DLG5: variants seen among roughly 807,000 people sequenced by gnomAD.
DLG5 encodes disks large homolog 5.
DLG5 carries 48 observed loss-of-function variants against 189.8 expected under a neutral mutation model. The ratio of observed to expected loss-of-function variants is 0.25; its 90% confidence interval spans 0.20 to 0.32. The LOEUF (loss-of-function observed/expected upper bound fraction) is 0.32, where lower values mean the gene tolerates loss of function less well. Ranked by LOEUF, DLG5 falls within the 10% of genes least tolerant of loss-of-function variation. The probability of loss-of-function intolerance (pLI) is 1.00; values close to 1 mark genes in which losing one functional copy is unlikely to be tolerated. For synonymous variants in DLG5, 1,016 were observed against 1,054.1 expected, an observed-to-expected ratio of 0.96 and a Z score of 0.70; for missense variants, 2,160 against 2,544.7, an observed-to-expected ratio of 0.85 and a Z score of 3.25.
chr10:77,835,537 G>A (rs1307125600), intron 8 of DLG5, among the ~76,000 whole-genome samples: 1 of 152,236 alleles, frequency 6.6e-6, no homozygotes, highest in Non-Finnish European at 1.5e-5. Flanking sequence ...GGCTGAGTGA[G>A]ATGGGAGGGA....
At position 77,856,017 on chromosome 10, in the gene DLG5, C is replaced by T. The variant is rs1391514047; in HGVS notation, c.536+713G>A. ...GCAGCAAACATTTTCTTCAAAGCAACAAAGACACCAGGTACAATGTGCTCT... is the reference window on the plus strand; with the variant it reads ...GCAGCAAACATTTTCTTCAAAGCAATAAAGACACCAGGTACAATGTGCTCT... On this transcript the variant is annotated intron_variant, in intron 3 of 31. Transcript: ENST00000372391. Among the ~76,000 whole-genome samples the T allele has an allele frequency of 2.0e-5, 3 of 152,254 alleles. No individual in the cohort carries two copies. The East Asian group carries it at 5.8e-4, about 29-fold the overall frequency.
chr10:77,875,624 C>T (rs568532462), intron 1 of DLG5, among the ~76,000 whole-genome samples: 2 of 152,306 alleles, frequency 1.3e-5, no homozygotes, highest in Admixed American at 6.5e-5. Flanking sequence ...ATTCTGTGAA[C>T]TGCAGAGATG....
At chr10:77,893,552 A>G (rs996256369) in intron 1 of DLG5, among the ~76,000 whole-genome samples, 4 of 152,226 alleles carry the variant, frequency 2.6e-5, no homozygotes, top group African/African-American at 9.6e-5. Context: ...CGCCCCAGAC[A>G]GCAGCACCTG....
intron 1 of DLG5, among the ~76,000 whole-genome samples, chr10:77,886,562 T>C (rs1427685692): frequency 6.6e-6 from 1 of 151,986 alleles, no homozygotes; most frequent in African/African-American, 2.4e-5. Flanking sequence ...ACTATGTTGG[T>C]CAGTCTGGTC....
rs950099979 is a variant in DLG5 at position 77,843,313 on chromosome 10, A to C, written c.1124+134T>G. 11 of 1,164,642 alleles carry C rather than the reference A, an allele frequency of 9.4e-6. No homozygotes were observed. The African/African-American group carries it at 1.7e-4, about 18-fold the overall frequency. The allele number at this position is 1,164,642 out of a possible 1,614,324, so 72.1% of individuals were successfully genotyped here. On this transcript the variant is annotated intron_variant, in intron 6 of 31. Transcript: ENST00000372391. The stretch of plus-strand genomic sequence containing the variant: ...ATTCCCAAGACACATTCAGTGTCAA[A>C]AAAAAATGTTTCCTGGTCAGAAGCA...
At chr10:77,890,260 T>C (rs944440671) in intron 1 of DLG5, among the ~76,000 whole-genome samples, 6 of 152,186 alleles carry the variant, frequency 3.9e-5, no homozygotes, top group Non-Finnish European at 7.4e-5. Context: ...CAGCAGGATG[T>C]CTTCAGCTGG....
chr10:77,894,707 T>C (rs1845708099), intron 1 of DLG5, among the ~76,000 whole-genome samples: 1 of 152,040 alleles, frequency 6.6e-6, no homozygotes, highest in East Asian at 1.9e-4. Context: ...GCCCAACCTT[T>C]TCTGCTCCCT....
At chr10:77,834,457 A>T (rs1370032013) in intron 8 of DLG5, among the ~76,000 whole-genome samples, 1 of 152,086 alleles carries the variant, frequency 6.6e-6, no homozygotes, top group Non-Finnish European at 1.5e-5. Context: ...CATGTCTCAT[A>T]TCTACCCACA....
At chr10:77,933,709 G>A in the DLG5 span, among the ~76,000 whole-genome samples, 1 of 151,540 alleles carries the variant, frequency 6.6e-6, no homozygotes, top group African/African-American at 2.4e-5. Context: ...GGGTAACAGA[G>A]TAAGACTCTG....
chr10:77,906,639 T>C (rs77100472), intron 1 of DLG5, among the ~76,000 whole-genome samples: 1 of 148,670 alleles, frequency 6.7e-6, no homozygotes, highest in African/African-American at 2.5e-5. Context: ...TTTTTTTTTT[T>C]CCTGAGATGG....
the DLG5 span, among the ~76,000 whole-genome samples, chr10:77,938,890 C>T: frequency 6.6e-6 from 1 of 152,160 alleles, no homozygotes; most frequent in Non-Finnish European, 1.5e-5. Context: ...GCACATGCAT[C>T]AAAACTGCCC....
Position 77,821,232 on chromosome 10 carries a change from G to A in DLG5, c.3252C>T (p.Asp1084=). 1 of 1,614,110 alleles carries A rather than the reference G, an allele frequency of 6.2e-7. No homozygotes were observed. Among genetic ancestry groups the A allele is most frequent in the South Asian group, 1.1e-5 (1 of 91,090 alleles). The stretch of plus-strand genomic sequence containing the variant: ...ATTTCTTGGCCGGCAGGTGGGAGGA[G>A]TCCCCATCTCCTTCAGGGTAGTAGC... ...ASSYYPEGDG[D]SSHLPAKKSC... is the part of the protein sequence containing the mutation. The change falls in exon 15 of 32, where the codon GAC becomes GAT. Residue 1084 remains aspartate, a synonymous_variant. Transcript: ENST00000372391.
intron 14 of DLG5, among the ~76,000 whole-genome samples, chr10:77,823,287 C>A (rs1198133129): frequency 6.6e-6 from 1 of 152,098 alleles, no homozygotes; most frequent in Non-Finnish European, 1.5e-5. Flanking sequence ...TAGAAAACAT[C>A]TCTTAATAGA....
chr10:77,932,745 C>T, the DLG5 span, among the ~76,000 whole-genome samples: 2 of 152,216 alleles, frequency 1.3e-5, no homozygotes, highest in Admixed American at 1.3e-4. Flanking sequence ...ACCATGAACT[C>T]TGCCCACTGC....
rs746124961 is a variant in DLG5 at position 77,820,118 on chromosome 10, G to A, written c.3403-100C>T. ...CCCAGCACTCTGGGAGGCCGAGGCGGGCAGATCACCTAAGGTCAGGAGTTC... is the reference window on the plus strand; with the variant it reads ...CCCAGCACTCTGGGAGGCCGAGGCGAGCAGATCACCTAAGGTCAGGAGTTC... On this transcript the variant is annotated intron_variant, in intron 15 of 31. Transcript: ENST00000372391. 2.7e-5 allele frequency: 41 copies of A among 1,523,278 alleles called. No homozygotes were observed. The Middle Eastern group carries it at 5.8e-4, about 22-fold the overall frequency. The allele number at this position is 1,523,278 out of a possible 1,614,324, so 94.4% of individuals were successfully genotyped here.
At chr10:77,792,779 G>A (rs1840701905) in intron 31 of DLG5, 1 of 504,094 alleles carries the variant, frequency 2.0e-6, no homozygotes, top group East Asian at 3.3e-5. Context: ...TAACACCCTG[G>A]GTTGGGTTTG....
chr10:77,853,738 C>A (rs1349633861), intron 4 of DLG5, among the ~76,000 whole-genome samples: 1 of 152,214 alleles, frequency 6.6e-6, no homozygotes, highest in Non-Finnish European at 1.5e-5. Flanking sequence ...TCACCACTTA[C>A]AAACCTGACA....
intron 24 of DLG5, 82 bp from the exon 25 acceptor site, chr10:77,808,026 T>C: frequency 6.5e-7 from 1 of 1,531,886 alleles, no homozygotes; most frequent in South Asian, 1.2e-5. Flanking sequence ...GTGCTGACCA[T>C]ACGGCAGAAA....
rs1840782595 is a variant in DLG5, at chr10:77,794,116, C to T, written c.5548G>A (p.Glu1850Lys). 2 of 1,613,814 alleles carry T rather than the reference C, an allele frequency of 1.2e-6. No homozygotes were observed. Among genetic ancestry groups the T allele is most frequent in the Non-Finnish European group, 1.7e-6 (2 of 1,179,750 alleles). The stretch of plus-strand genomic sequence containing the variant: ...CTCAGGTAGATGGGGTCTCTCTGCT[C>T]CCTGTGGGGACAGCCAGACACCAGG... Reference protein sequence around the residue: ...IHYKSAKHIKEQRDPIYLRDK... With the variant: ...IHYKSAKHIKKQRDPIYLRDK... Residue 1850 changes from glutamate to lysine, a missense_variant and splice_region_variant, in exon 31 of 32, where the codon GAG becomes AAG. Transcript: ENST00000372391.
Sources: gnomAD v4.1 joint callset for allele counts (sites outside exome capture counted in the v4.1 genomes callset) on GRCh38, gnomAD v4.1.1 for gene constraint, MANE v1.5 for transcripts, NCBI Gene and HGNC (gene_info 2026-07-23, HGNC 2026-07-21) for gene names.